The following ZNF354B variants were observed in gnomAD, a reference collection of about 807,000 sequenced individuals.
ZNF354B encodes the protein zinc finger protein 354B.
ZNF354B carries 10 observed loss-of-function variants against 12.9 expected under a neutral mutation model. The ratio of observed to expected loss-of-function variants is 0.77; its 90% CI spans 0.48 to 1.31. ZNF354B has a LOEUF of 1.31. ZNF354B is among the 40% of genes most tolerant of loss of function. The pLI, the probability that ZNF354B is intolerant of heterozygous loss-of-function variation, is 0.00. For missense variants in ZNF354B, 614 were observed against 711.7 expected, an observed-to-expected ratio of 0.86 and a Z score of 1.56; for synonymous variants, 260 against 243.7, an observed-to-expected ratio of 1.07 and a Z score of -0.62.
chr5:178,862,452 C>T (rs6894647), intron 2 of ZNF354B, among the ~76,000 whole-genome samples: 34,108 of 150,372 alleles, frequency 0.23, 4,385 homozygotes, highest in Middle Eastern at 0.32. Context: ...CTGCAACCTC[C>T]GCCTCCCTGG....
chr5:178,873,264 C>T (rs186155941), intron 4 of ZNF354B, among the ~76,000 whole-genome samples: 197 of 152,268 alleles, frequency 1.3e-3, no homozygotes, highest in African/African-American at 4.4e-3. Context: ...ATCGTTTTTA[C>T]TGGTTCTTTT....
chr5:178,864,650 T>A (rs1311429948), intron 2 of ZNF354B, among the ~76,000 whole-genome samples: 3 of 149,076 alleles, frequency 2.0e-5, no homozygotes, highest in Non-Finnish European at 4.5e-5. Flanking sequence ...GGAGAGGGAG[T>A]CTCACTTTAT....
intron 2 of ZNF354B, among the ~76,000 whole-genome samples, chr5:178,862,816 C>T (rs1489381595): frequency 6.6e-6 from 1 of 152,232 alleles, no homozygotes; most frequent in Non-Finnish European, 1.5e-5. Flanking sequence ...CTAGAACCTT[C>T]TCCATCCCTG....
chr5:178,871,529 C>T (rs1251119756), intron 4 of ZNF354B, among the ~76,000 whole-genome samples: 1 of 152,200 alleles, frequency 6.6e-6, no homozygotes, highest in African/African-American at 2.4e-5. Context: ...CATGATCTGT[C>T]TCTGCCTCTG....
chr5:178,880,089 G>A (rs1236219511), intron 4 of ZNF354B, among the ~76,000 whole-genome samples: 6 of 152,144 alleles, frequency 3.9e-5, no homozygotes, highest in Non-Finnish European at 8.8e-5. Flanking sequence ...TCACGTCACC[G>A]CACTTCAGCC....
chr5:178,866,401 T>C (rs1245860410), intron 3 of ZNF354B, 31 bp downstream of exon 3: 1 of 1,594,194 alleles, frequency 6.3e-7, no homozygotes, highest in Admixed American at 1.8e-5. Context: ...GAAACAGAAT[T>C]CAAAAATTGG....
chr5:178,874,685 T>C (rs1259990698), intron 4 of ZNF354B, among the ~76,000 whole-genome samples: 3 of 152,224 alleles, frequency 2.0e-5, no homozygotes, highest in African/African-American at 7.2e-5. Context: ...CAACTTTCTC[T>C]TGAATCTTTA....
intron 2 of ZNF354B, among the ~76,000 whole-genome samples, chr5:178,863,767 G>A (rs59994898): frequency 0.14 from 20,804 of 152,170 alleles, 1,623 homozygotes; most frequent in African/African-American, 0.21. Flanking sequence ...TTCCAGTGGG[G>A]CAGGGTGGAG....
rs1426106508 is a variant in ZNF354B at position 178,884,712 on chromosome 5, T to TAG, written c.*422_*423insGA. On this transcript the variant is annotated 3_prime_UTR_variant, in exon 5 of 5. Coordinates refer to ENST00000322434, the MANE Select transcript of ZNF354B (RefSeq NM_058230.3). Reference sequence around the variant, plus strand: ...CAATTGATCTTAAAAATATATGCAATATATACTTACCTGGCAGGGAAGATT... The same window carrying TAG: ...CAATTGATCTTAAAAATATATGCAATAGATATACTTACCTGGCAGGGAAGATT... The TAG allele has an allele frequency of 6.4e-6, 1 of 155,272 alleles. No homozygotes were observed. The highest frequency in any genetic ancestry group is 1.9e-4 in the East Asian group (1 of 5,286). The allele number at this position is 155,272 out of a possible 1,614,324, so 9.6% of individuals were successfully genotyped here. A position where few individuals can be genotyped will look rare whatever the true frequency, so the allele number is the denominator to read the frequency against.
intron 4 of ZNF354B, among the ~76,000 whole-genome samples, chr5:178,879,900 G>A (rs77946887): frequency 0.18 from 27,689 of 152,064 alleles, 2,814 homozygotes; most frequent in Non-Finnish European, 0.24. Flanking sequence ...GGCCAAGGTG[G>A]GTGGATCACG....
At chr5:178,869,310 C>T (rs775078964) in intron 4 of ZNF354B, among the ~76,000 whole-genome samples, 1 of 152,170 alleles carries the variant, frequency 6.6e-6, no homozygotes, top group Non-Finnish European at 1.5e-5. Context: ...AGAGCTTTCT[C>T]GTGATGATAG....
Position 178,883,712 on chromosome 5 carries a change from T to C in ZNF354B, c.1260T>C (p.Thr420=). Residue 420 remains threonine (T), a synonymous_variant, in exon 5 of 5, where the codon ACT becomes ACC. Coordinates refer to ENST00000322434, the MANE Select transcript of ZNF354B (RefSeq NM_058230.3). ...GCAATGAATGTGGGAAAGGCTTTAC[T>C]TCTATTTCACGACTTAATAGACACC... The part of the protein sequence containing the change: ...YRCNECGKGF[T]SISRLNRHRI... 6 of 1,614,118 alleles carry C rather than the reference T, an allele frequency of 3.7e-6. No homozygotes were observed. The highest frequency in any genetic ancestry group is 5.1e-6 in the Non-Finnish European group (6 of 1,179,980).
At chr5:178,870,469 C>G (rs562938146) in intron 4 of ZNF354B, among the ~76,000 whole-genome samples, 1 of 152,098 alleles carries the variant, frequency 6.6e-6, no homozygotes, top group Non-Finnish European at 1.5e-5. Flanking sequence ...TAGTAGAGAC[C>G]GCGTTTTGCC....
rs1233895106 is a variant in ZNF354B, at chr5:178,866,961, GTTGT to G, written c.161-12_161-9del. On this transcript the variant is annotated splice_polypyrimidine_tract_variant and intron_variant, in intron 3 of 4. Coordinates refer to ENST00000322434, the MANE Select transcript of ZNF354B (RefSeq NM_058230.3). The stretch of plus-strand genomic sequence containing the variant: ...GAAGACTGAGACTTTTGTTGTTGTT[GTTGT>G]TTATGTGCAGGACTCTCATTTACCA... The G allele has an allele frequency of 1.2e-6, 2 of 1,610,500 alleles. No individual in the cohort carries two copies. The highest frequency in any genetic ancestry group is 1.3e-5 in the African/African-American group (1 of 74,810).
chr5:178,869,262 G>A (rs538126379), intron 4 of ZNF354B, among the ~76,000 whole-genome samples: 2 of 152,354 alleles, frequency 1.3e-5, no homozygotes, highest in South Asian at 2.1e-4. Flanking sequence ...GGAGCTGCAC[G>A]GCAGGCAGCT....
intron 2 of ZNF354B, among the ~76,000 whole-genome samples, chr5:178,862,362 CTTT>C (rs769224561): frequency 1.4e-4 from 15 of 105,610 alleles, no homozygotes; most frequent in Admixed American, 6.5e-4. Flanking sequence ...GTGGCATTAT[CTTT>C]TTTTTTTTTT....
intron 4 of ZNF354B, among the ~76,000 whole-genome samples, chr5:178,878,243 C>T (rs1054557777): frequency 9.2e-5 from 14 of 152,070 alleles, no homozygotes; most frequent in Admixed American, 8.5e-4. Flanking sequence ...ATTAGCCAGG[C>T]GTAGTGGCGG....
At chr5:178,864,534 A>G (rs1757415187) in intron 2 of ZNF354B, among the ~76,000 whole-genome samples, 1 of 152,222 alleles carries the variant, frequency 6.6e-6, no homozygotes, top group African/African-American at 2.4e-5. Flanking sequence ...TGTACAATAG[A>G]AAATAAAATC....
At chr5:178,882,063 C>A (rs1757726244) in intron 4 of ZNF354B, among the ~76,000 whole-genome samples, 1 of 147,968 alleles carries the variant, frequency 6.8e-6, no homozygotes, top group African/African-American at 2.6e-5. Flanking sequence ...TTAATAGATA[C>A]TAGCTTTAGG....
Sources: allele counts gnomAD v4.1 joint callset (sites outside exome capture counted in the v4.1 genomes callset), GRCh38; gene constraint gnomAD v4.1.1; transcripts MANE v1.5; gene names NCBI Gene and HGNC (gene_info 2026-07-23, HGNC 2026-07-21).